The following PSMA3 variants were observed in gnomAD, a reference collection of about 807,000 sequenced individuals.
PSMA3 encodes proteasome 20S subunit alpha 3.
Under a neutral mutation model 40.0 loss-of-function variants are expected in PSMA3, and 8 were observed. That is an observed-to-expected ratio of 0.20 (90% CI 0.12 to 0.36). PSMA3 has a LOEUF of 0.36. Ranked by LOEUF, PSMA3 falls within the 10% of genes least tolerant of loss-of-function variation. The pLI is 1.00. For synonymous variants in PSMA3, 110 were observed against 100.0 expected (o/e 1.10, Z -0.59); for missense variants, 219 against 310.6 (o/e 0.70, Z 2.22).
chr14:58,258,714 T>G (rs2140087760), intron 5 of PSMA3, among the ~76,000 whole-genome samples: 1 of 152,010 alleles, frequency 6.6e-6, no homozygotes, highest in Middle Eastern at 3.4e-3. Flanking sequence ...ATATTCAAAT[T>G]TGGCTTCACA....
chr14:58,257,907 T>C lies in PSMA3; in HGVS notation c.331-18T>C. The C allele has an allele frequency of 6.2e-7, 1 of 1,613,202 alleles. No individual in the cohort carries two copies. The highest frequency in any genetic ancestry group is 8.5e-7 in the Non-Finnish European group (1 of 1,179,160). On this transcript the variant is annotated intron_variant, in intron 4 of 10. Coordinates refer to ENST00000216455, the MANE Select transcript of PSMA3 (RefSeq NM_002788.4). ...GTAATAGAAGTTTATTAATAAGCTC[T>C]TCTGCTTCCCTCCATAGCATCTTGC...
At chr14:58,256,547 G>T (rs1313703446) in intron 3 of PSMA3, among the ~76,000 whole-genome samples, 1 of 151,486 alleles carries the variant, frequency 6.6e-6, no homozygotes, top group South Asian at 2.1e-4. Context: ...CCAAGTAACT[G>T]GGATTACAGG....
chr14:58,271,104 A>AT (rs1224538503), intron 10 of PSMA3, 106 bp downstream of exon 10: 5 of 621,418 alleles, frequency 8.0e-6, no homozygotes, highest in Non-Finnish European at 1.0e-5. Flanking sequence ...CCCATCCCTA[A>AT]TTTAAAAAAA....
intron 3 of PSMA3, among the ~76,000 whole-genome samples, chr14:58,255,266 T>C (rs957970903): frequency 2.6e-5 from 4 of 152,166 alleles, no homozygotes; most frequent in African/African-American, 9.7e-5. Context: ...CAACCAAAAT[T>C]TCTAGTATAT....
Position 58,257,860 on chromosome 14 carries a change from A to G in PSMA3, c.330+14A>G, listed in dbSNP as rs779188819. On this transcript the variant is annotated intron_variant, in intron 4 of 10. Coordinates refer to ENST00000216455, the MANE Select transcript of PSMA3 (RefSeq NM_002788.4). ...ATTCCACTAAAAGTAAGTTGATAAC[A>G]TATTGAGGAACCTTTTGGACAGTAA... The G allele has an allele frequency of 1.9e-6, 3 of 1,612,136 alleles. No homozygotes were observed. The highest frequency in any genetic ancestry group is 2.2e-5 in the East Asian group (1 of 44,812).
At chr14:58,262,366 C>T (rs887920247) in intron 6 of PSMA3, among the ~76,000 whole-genome samples, 4 of 152,090 alleles carry the variant, frequency 2.6e-5, no homozygotes, top group African/African-American at 4.8e-5. Flanking sequence ...TCACCACACC[C>T]GGCTAATTTT....
At chr14:58,248,772 T>C (rs1159620498) in intron 2 of PSMA3, among the ~76,000 whole-genome samples, 30 of 150,682 alleles carry the variant, frequency 2.0e-4, no homozygotes, top group Admixed American at 1.5e-3. Flanking sequence ...CTGGCCAACA[T>C]GGTAAAACCC....
intron 5 of PSMA3, chr14:58,258,210 G>C (rs567587579): frequency 3.8e-5 from 18 of 478,508 alleles, no homozygotes; most frequent in African/African-American, 3.2e-4. Flanking sequence ...GGTTGAGGTG[G>C]GAGGATCCCT....
intron 5 of PSMA3, among the ~76,000 whole-genome samples, chr14:58,258,892 A>G (rs527368102): frequency 6.6e-6 from 1 of 152,238 alleles, no homozygotes; most frequent in East Asian, 1.9e-4. Context: ...TTACTAAGAT[A>G]TTAAAGAAAA....
chr14:58,259,938 A>C (rs1033687607), intron 5 of PSMA3, among the ~76,000 whole-genome samples: 2 of 152,194 alleles, frequency 1.3e-5, no homozygotes, highest in African/African-American at 4.8e-5. Context: ...TTCTTCAAAG[A>C]AATGTTGAAA....
chr14:58,266,197 T>A (rs974080994), intron 7 of PSMA3: 3 of 152,218 alleles, frequency 2.0e-5, no homozygotes, highest in Non-Finnish European at 4.4e-5. Flanking sequence ...ACTCTTAAAT[T>A]TAAATTTAGT....
chr14:58,247,556 T>C (rs926046823), intron 1 of PSMA3, among the ~76,000 whole-genome samples, 194 bp from the exon 2 acceptor site: 2 of 152,226 alleles, frequency 1.3e-5, no homozygotes, highest in African/African-American at 2.4e-5. Flanking sequence ...TACTCTTCAA[T>C]AGCTGAAATC....
intron 6 of PSMA3, among the ~76,000 whole-genome samples, chr14:58,261,661 C>T (rs541710207): frequency 6.6e-6 from 1 of 152,234 alleles, no homozygotes; most frequent in South Asian, 2.1e-4. Flanking sequence ...GGCTGGAGTG[C>T]AGTGACACAA....
intron 1 of PSMA3, among the ~76,000 whole-genome samples, chr14:58,245,721 TAC>T (rs1392148453): frequency 1.3e-5 from 2 of 152,308 alleles, no homozygotes; most frequent in South Asian, 2.1e-4. Context: ...ATATAGAAAA[TAC>T]AGTTTCTAAA....
At chr14:58,271,277 T>C (rs1890613696) in intron 10 of PSMA3, among the ~76,000 whole-genome samples, 1 of 150,342 alleles carries the variant, frequency 6.7e-6, no homozygotes, top group Non-Finnish European at 1.5e-5. Flanking sequence ...ACTTGGGAGG[T>C]TTAGACTGCA....
At chr14:58,271,069 C>T in intron 10 of PSMA3, 71 bp downstream of exon 10, 1 of 1,120,228 alleles carries the variant, frequency 8.9e-7, no homozygotes, top group Non-Finnish European at 1.3e-6. Flanking sequence ...GAGTTTGAGA[C>T]CAGCCTGAGC....
At chr14:58,245,173 G>C (rs1889851746) in intron 1 of PSMA3, 1 of 561,752 alleles carries the variant, frequency 1.8e-6, no homozygotes, top group East Asian at 2.9e-5. Flanking sequence ...CCGGCTTGGC[G>C]TCGCCGCAGT....
chr14:58,262,392 G>T (rs1355203075), intron 6 of PSMA3, among the ~76,000 whole-genome samples: 1 of 152,086 alleles, frequency 6.6e-6, no homozygotes, highest in Non-Finnish European at 1.5e-5. Context: ...TTTCAGTAGA[G>T]ACGAGGTTTC....
chr14:58,254,414 T>C (rs1890099231), intron 3 of PSMA3, among the ~76,000 whole-genome samples: 1 of 136,504 alleles, frequency 7.3e-6, no homozygotes, highest in African/African-American at 2.7e-5. Flanking sequence ...CATAGCTCAC[T>C]GCAGCCTTGC....
Sources: gnomAD v4.1 joint callset for allele counts (sites outside exome capture counted in the v4.1 genomes callset) on GRCh38, gnomAD v4.1.1 for gene constraint, MANE v1.5 for transcripts, NCBI Gene and HGNC (gene_info 2026-07-23, HGNC 2026-07-21) for gene names.